Variants in THEM6 observed in about 807,000 individuals in gnomAD.
THEM6 encodes protein THEM6.
Under a neutral mutation model 13.7 loss-of-function variants are expected in THEM6, and 10 were observed. That is an observed-to-expected ratio of 0.73 (90% CI 0.45 to 1.24). The LOEUF is 1.24. Among genes scored for constraint, THEM6 ranks in the 50% most tolerant of loss-of-function variants. The pLI is 0.00. For missense variants in THEM6, 317 were observed against 312.6 expected (o/e 1.01, Z -0.11); for synonymous variants, 161 against 156.0 (o/e 1.03, Z -0.24).
At position 142,727,763 on chromosome 8, in the gene THEM6, C is replaced by A. The variant is rs1554642525; in HGVS notation, c.417C>A (p.Ser139Arg). ...TCTACCTGGAGGCGCGCTTTGTCAG[C>A]CTGCGGGACGGCTTCGTGTGCGCGC... ...RAFYLEARFV[S>R]LRDGFVCALL... The change falls in exon 1 of 2, where the codon AGC (serine) becomes AGA (arginine). Residue 139 changes from serine (S) to arginine (R), a missense_variant. Transcript: ENST00000336138. The A allele has an allele frequency of 1.4e-6, 2 of 1,455,450 alleles. No individual in the cohort carries two copies. The highest frequency in any genetic ancestry group is 2.9e-5 in the East Asian group (1 of 34,776). The allele number at this position is 1,455,450 out of a possible 1,614,324, so 90.2% of individuals were successfully genotyped here. A position where few individuals can be genotyped will look rare whatever the true frequency, so the allele number is the denominator to read the frequency against.
At chr8:142,729,911 C>G (rs1262290099) in intron 1 of THEM6, among the ~76,000 whole-genome samples, 1 of 152,204 alleles carries the variant, frequency 6.6e-6, no homozygotes, top group African/African-American at 2.4e-5. Flanking sequence ...ATCTTGGCTG[C>G]AGGTCATTAC....
chr8:142,730,299 A>G (rs1308119157), intron 1 of THEM6, among the ~76,000 whole-genome samples: 1 of 152,062 alleles, frequency 6.6e-6, no homozygotes, highest in Non-Finnish European at 1.5e-5. Context: ...GGCTGGCTCA[A>G]GTTTTTTCTT....
In THEM6 at chr8:142,735,598, C is replaced by T. The variant is rs1815741789; in HGVS notation, c.*159C>T. On this transcript the variant is annotated 3_prime_UTR_variant, in exon 2 of 2. Transcript: ENST00000336138. ...TGGGCCCCCCCAGTTATTGATACCC[C>T]TCTGTGCTGGGCTCCACGCTAGGCA... The T allele has an allele frequency of 1.1e-5, 7 of 630,122 alleles. No individual in the cohort carries two copies. Among genetic ancestry groups the T allele is most frequent in the South Asian group, 1.1e-4 (6 of 55,800 alleles). 39.0% of individuals were successfully genotyped at this position (630,122 alleles called of 1,614,324 possible).
At position 142,727,671 on chromosome 8, in the gene THEM6, C is replaced by T. The variant is rs782661486; in HGVS notation, c.325C>T (p.Arg109Cys). Residue 109 changes from arginine (R) to cysteine (C), a missense_variant, in exon 1 of 2, where the codon CGC becomes TGC. Transcript: ENST00000336138. The stretch of plus-strand genomic sequence containing the variant: ...GGCGGCCTCGTGCGCGCGCCACCGC[C>T]GCTCGCTGCGCCTGCTGGAGCCCTT... ...VLAASCARHR[R>C]SLRLLEPFEV... 2.8e-6 allele frequency: 4 copies of T among 1,432,958 alleles called. No homozygotes were observed. In the South Asian group the frequency reaches 5.8e-5, roughly 21 times the overall value. 88.8% of individuals were successfully genotyped at this position (1,432,958 alleles called of 1,614,324 possible).
intron 1 of THEM6, 94 bp downstream of exon 1, chr8:142,727,953 C>A (rs1222621256): frequency 7.7e-7 from 1 of 1,299,156 alleles, no homozygotes; most frequent in Non-Finnish European, 9.9e-7. Context: ...AGGGAAGGCC[C>A]GCTGCCTGCA....
intron 1 of THEM6, chr8:142,734,968 C>T: frequency 4.2e-6 from 1 of 236,064 alleles, no homozygotes; most frequent in Non-Finnish European, 8.5e-6. Flanking sequence ...CTCAGTGAGC[C>T]CTGTCTGGTA....
chr8:142,735,684 CA>C lies in THEM6; in HGVS notation c.*248del, dbSNP rs1425546602. The C allele has an allele frequency of 2.1e-5, 11 of 525,764 alleles. No individual in the cohort carries two copies. The highest frequency in any genetic ancestry group is 3.5e-5 in the Non-Finnish European group (10 of 288,374). 32.6% of individuals were successfully genotyped at this position (525,764 alleles called of 1,614,324 possible). ...TGCCCTCAAGGTGGGGATGGATGGG[CA>C]AAGGAGAGTCCTGCCTGGCCCTACG... is the stretch of plus-strand genomic sequence containing the variant. On this transcript the variant is annotated 3_prime_UTR_variant, in exon 2 of 2. Coordinates refer to ENST00000336138, the MANE Select transcript of THEM6 (RefSeq NM_016647.3).
chr8:142,731,732 C>T (rs782319823), intron 1 of THEM6, among the ~76,000 whole-genome samples: 6 of 152,258 alleles, frequency 3.9e-5, no homozygotes, highest in South Asian at 2.1e-4. Context: ...GCAGCAGGGC[C>T]GGGCAATGGC....
At position 142,727,984 on chromosome 8, in the gene THEM6, A is replaced by C. The variant is rs1165327144; in HGVS notation, c.513+125A>C. The C allele has an allele frequency of 6.2e-6, 7 of 1,125,266 alleles. No individual in the cohort carries two copies. The East Asian group carries it at 9.7e-5, about 16-fold the overall frequency. The allele number at this position is 1,125,266 out of a possible 1,614,324, so 69.7% of individuals were successfully genotyped here. ...CTGCACCTCTTTCGGATACTGCTGG[A>C]GTCCTGCCTCTTACCGCTCCCGCCC... On this transcript the variant is annotated intron_variant, in intron 1 of 1. Coordinates refer to ENST00000336138, the MANE Select transcript of THEM6 (RefSeq NM_016647.3).
Position 142,735,678 on chromosome 8 carries a change from G to C in THEM6, c.*239G>C, listed in dbSNP as rs587730559. 3.7e-6 allele frequency: 2 copies of C among 535,576 alleles called. No individual in the cohort carries two copies. The highest frequency in any genetic ancestry group is 6.8e-6 in the Non-Finnish European group (2 of 294,162). The allele number at this position is 535,576 out of a possible 1,614,324, so 33.2% of individuals were successfully genotyped here. A position where few individuals can be genotyped will look rare whatever the true frequency, so the allele number is the denominator to read the frequency against. ...CAGCTCTGCCCTCAAGGTGGGGATG[G>C]ATGGGCAAAGGAGAGTCCTGCCTGG... On this transcript the variant is annotated 3_prime_UTR_variant, in exon 2 of 2. Coordinates refer to ENST00000336138, the MANE Select transcript of THEM6 (RefSeq NM_016647.3).
chr8:142,731,871 G>A (rs1815652925), intron 1 of THEM6, among the ~76,000 whole-genome samples: 1 of 152,068 alleles, frequency 6.6e-6, no homozygotes, highest in Admixed American at 6.6e-5. Context: ...GCTGCAGTCC[G>A]GCCCCGGCAG....
chr8:142,732,130 T>G (rs1220483308), intron 1 of THEM6, among the ~76,000 whole-genome samples: 1 of 129,084 alleles, frequency 7.7e-6, no homozygotes. Context: ...GCCTTTTTCT[T>G]TCCCTGTGAA....
In THEM6 at chr8:142,728,957, T is replaced by TC. The variant is rs1443116479; in HGVS notation, c.513+1099dup. On this transcript the variant is annotated intron_variant, in intron 1 of 1. Transcript: ENST00000336138. ...ATTTTCTTTTTTTTTTTTTTTTTTT[T>TC]CAGACGGATTCTCACTCTGTCGCCC... 3.4e-4 allele frequency among the ~76,000 whole-genome samples: 51 copies of TC among 147,938 alleles called. No individual in the cohort carries two copies. The East Asian group carries it at 7.5e-3, about 22-fold the overall frequency.
Position 142,730,890 on chromosome 8 carries a change from G to A in THEM6, c.513+3031G>A, listed in dbSNP as rs587767051. 2.7e-3 allele frequency among the ~76,000 whole-genome samples: 407 copies of A among 151,912 alleles called. 1 individual carries two copies. Among genetic ancestry groups the A allele is most frequent in the Middle Eastern group, 0.01 (3 of 294 alleles). ...CTCCTGAGTAGCTGGGACTACAGGC[G>A]CCCGCCACCATGCCCAGCTAATTTT... On this transcript the variant is annotated intron_variant, in intron 1 of 1. Coordinates refer to ENST00000336138, the MANE Select transcript of THEM6 (RefSeq NM_016647.3).
chr8:142,731,200 C>T (rs1815639845), intron 1 of THEM6, among the ~76,000 whole-genome samples: 1 of 152,190 alleles, frequency 6.6e-6, no homozygotes, highest in South Asian at 2.1e-4. Context: ...ATCCAGTTCA[C>T]AGAAAAACTG....
intron 1 of THEM6, among the ~76,000 whole-genome samples, chr8:142,729,607 A>G (rs1241139504): frequency 6.6e-6 from 1 of 152,168 alleles, no homozygotes; most frequent in Non-Finnish European, 1.5e-5. Context: ...ATGGGGGAAT[A>G]ATGCGTATTT....
At chr8:142,732,199 TATATATA>T in intron 1 of THEM6, among the ~76,000 whole-genome samples, 1 of 102,540 alleles carries the variant, frequency 9.8e-6, no homozygotes, top group African/African-American at 3.9e-5. Context: ...TATATATATA[TATATATA>T]TTTTAACTAC....
intron 1 of THEM6, among the ~76,000 whole-genome samples, chr8:142,730,808 A>G (rs1481214929): frequency 3.3e-5 from 5 of 150,548 alleles, no homozygotes; most frequent in South Asian, 2.1e-4. Flanking sequence ...GCAGTGGCGC[A>G]ATCTCAGCTC....
At chr8:142,727,998 C>G in intron 1 of THEM6, 139 bp downstream of exon 1, 1 of 951,038 alleles carries the variant, frequency 1.1e-6, no homozygotes, top group Non-Finnish European at 1.4e-6. Flanking sequence ...CTGCCTCTTA[C>G]CGCTCCCGCC....
Sources: allele counts gnomAD v4.1 joint callset (sites outside exome capture counted in the v4.1 genomes callset), GRCh38; gene constraint gnomAD v4.1.1; transcripts MANE v1.5; gene names NCBI Gene and HGNC (gene_info 2026-07-23, HGNC 2026-07-21).